SLC8A1: variants seen among roughly 807,000 people sequenced by gnomAD.
SLC8A1 encodes solute carrier family 8 member A1.
A neutral mutation model predicts 68.3 loss-of-function variants in SLC8A1; 18 were observed. That is an observed-to-expected ratio of 0.26 (90% confidence interval 0.18 to 0.39). SLC8A1 has a LOEUF of 0.39. SLC8A1 is among the 10% of genes least tolerant of loss of function. The pLI is 1.00. For synonymous variants in SLC8A1, 475 were observed against 415.5 expected (o/e 1.14, Z -1.74); for missense variants, 985 against 1,156.7 (o/e 0.85, Z 2.15).
At chr2:40,415,859 T>TATACACACACAC (rs375766392) in intron 2 of SLC8A1, among the ~76,000 whole-genome samples, 3 of 113,536 alleles carry the variant, frequency 2.6e-5, no homozygotes, top group Non-Finnish European at 5.4e-5. Flanking sequence ...ACTAAAAGTA[T>TATACACACACAC]ACACACACAC....
intron 2 of SLC8A1, among the ~76,000 whole-genome samples, chr2:40,374,543 T>A (rs916498354): frequency 6.6e-6 from 1 of 152,036 alleles, no homozygotes; most frequent in South Asian, 2.1e-4. Context: ...CAAGGGAAAT[T>A]AACCTGCCCC....
At chr2:40,388,046 T>C (rs917699700) in intron 2 of SLC8A1, among the ~76,000 whole-genome samples, 2 of 151,790 alleles carry the variant, frequency 1.3e-5, no homozygotes, top group African/African-American at 4.8e-5. Flanking sequence ...TTGGCATCTC[T>C]AAATTGTGAC....
At chr2:40,454,173 G>C (rs1233947577), upstream of SLC8A1, among the ~76,000 whole-genome samples, 4 of 152,172 alleles carry the variant, frequency 2.6e-5, no homozygotes, top group African/African-American at 9.7e-5. Context: ...AATGAAAGGG[G>C]CTTGGAGAGA....
chr2:40,432,555 GA>G, intron 1 of SLC8A1, among the ~76,000 whole-genome samples: 1 of 151,178 alleles, frequency 6.6e-6, no homozygotes, highest in East Asian at 2.0e-4. Context: ...ATATCTGTAG[GA>G]AAAGAATTCC....
intron 2 of SLC8A1, among the ~76,000 whole-genome samples, chr2:40,287,149 C>A (rs1222666014): frequency 6.6e-6 from 1 of 152,150 alleles, no homozygotes; most frequent in Non-Finnish European, 1.5e-5. Flanking sequence ...ATGTAAGACT[C>A]ATCATGTTAC....
At chr2:40,369,334 T>C (rs1677250794) in intron 2 of SLC8A1, among the ~76,000 whole-genome samples, 1 of 152,106 alleles carries the variant, frequency 6.6e-6, no homozygotes, top group South Asian at 2.1e-4. Flanking sequence ...GCTGGTTGTT[T>C]CTAGTGTGTC....
chr2:40,405,315 C>T (rs367580488), intron 2 of SLC8A1, among the ~76,000 whole-genome samples: 3 of 152,200 alleles, frequency 2.0e-5, no homozygotes, highest in African/African-American at 7.2e-5. Flanking sequence ...AAAGCAATTT[C>T]TGCAAGAAAA....
At chr2:40,506,206 A>G (rs767759903) in intron 1 of SLC8A1, among the ~76,000 whole-genome samples, 7 of 151,530 alleles carry the variant, frequency 4.6e-5, no homozygotes, top group Non-Finnish European at 8.8e-5. Context: ...TTAGAAGTTT[A>G]CAACGTTGGT....
intron 2 of SLC8A1, among the ~76,000 whole-genome samples, chr2:40,409,997 T>A (rs1691595417): frequency 6.8e-6 from 1 of 146,060 alleles, no homozygotes; most frequent in African/African-American, 2.5e-5. Context: ...GGACTAAGAG[T>A]GAGAAGGGAA....
intron 2 of SLC8A1, among the ~76,000 whole-genome samples, chr2:40,204,563 A>G (rs2055017491): frequency 6.6e-6 from 1 of 151,976 alleles, no homozygotes; most frequent in South Asian, 2.1e-4. Context: ...GAGAACATGG[A>G]TTAGCCCCAT....
At chr2:40,447,617 A>T (rs909496134) in intron 1 of SLC8A1, among the ~76,000 whole-genome samples, 1 of 151,160 alleles carries the variant, frequency 6.6e-6, no homozygotes, top group Non-Finnish European at 1.5e-5. Context: ...AAGAAAGAAC[A>T]TATGCTAATG....
intron 2 of SLC8A1, among the ~76,000 whole-genome samples, chr2:40,237,779 T>A (rs1383799793): frequency 6.6e-6 from 1 of 152,144 alleles, no homozygotes; most frequent in East Asian, 1.9e-4. Context: ...ACAGATGGGT[T>A]TTTGGTGTGG....
intron 5 of SLC8A1, among the ~76,000 whole-genome samples, chr2:40,164,478 T>G (rs2046217597): frequency 1.3e-5 from 2 of 152,214 alleles, no homozygotes; most frequent in Non-Finnish European, 2.9e-5. Flanking sequence ...TGTGAATGCC[T>G]TGCTCTGACA....
chr2:40,209,320 A>G (rs1383018777), intron 2 of SLC8A1: 2 of 152,264 alleles, frequency 1.3e-5, no homozygotes, highest in Non-Finnish European at 2.9e-5. Context: ...AAGACAGTCC[A>G]GACAGTACAC....
intron 2 of SLC8A1, among the ~76,000 whole-genome samples, chr2:40,192,391 G>A (rs559335936): frequency 1.3e-5 from 2 of 151,998 alleles, no homozygotes; most frequent in South Asian, 2.1e-4. Flanking sequence ...TATAACTAAA[G>A]CCTTTCAAAA....
chr2:40,439,715 A>G (rs758010004), intron 1 of SLC8A1, among the ~76,000 whole-genome samples: 1 of 152,178 alleles, frequency 6.6e-6, no homozygotes, highest in Non-Finnish European at 1.5e-5. Context: ...ACAGAATCCT[A>G]TCAACTTGAG....
At chr2:40,357,177 T>A (rs1031873122) in intron 2 of SLC8A1, among the ~76,000 whole-genome samples, 8 of 152,100 alleles carry the variant, frequency 5.3e-5, no homozygotes, top group African/African-American at 1.9e-4. Context: ...GAAAAAACAT[T>A]CAAAAATATA....
chr2:40,373,649 G>C (rs1678878918), intron 2 of SLC8A1, among the ~76,000 whole-genome samples: 2 of 152,064 alleles, frequency 1.3e-5, no homozygotes, highest in South Asian at 4.1e-4. Flanking sequence ...GGAAATGAAG[G>C]CTGAGAGAAC....
At chr2:40,205,817 A>G (rs560076560) in intron 2 of SLC8A1, among the ~76,000 whole-genome samples, 1,363 of 34,896 alleles carry the variant, frequency 0.039, 24 homozygotes, top group African/African-American at 0.055. Context: ...AAATATCTTG[A>G]AAAAAAAAAA....
Sources: gnomAD v4.1 joint callset for allele counts (sites outside exome capture counted in the v4.1 genomes callset) on GRCh38, gnomAD v4.1.1 for gene constraint, MANE v1.5 for transcripts, NCBI Gene and HGNC (gene_info 2026-07-23, HGNC 2026-07-21) for gene names.